Variants in MAGI2 observed in about 807,000 individuals in gnomAD.
MAGI2 encodes membrane associated guanylate kinase, WW and PDZ domain containing 2, also known as membrane-associated guanylate kinase, WW and PDZ domain-containing protein 2.
Under a neutral mutation model 133.3 loss-of-function variants are expected in MAGI2, and 35 were observed. The observed-to-expected ratio is 0.26, with a 90% CI of 0.20 to 0.35. The LOEUF is 0.35. Among genes scored for constraint, MAGI2 ranks in the 10% least tolerant of loss-of-function variants. The pLI is 1.00. For synonymous variants in MAGI2, 729 were observed against 710.6 expected (o/e 1.03, Z -0.41); for missense variants, 1,636 against 1,863.4 (o/e 0.88, Z 2.25).
chr7:78,992,670 G>A lies in MAGI2; in HGVS notation c.418+14420C>T, dbSNP rs368716807. Among the ~76,000 whole-genome samples, 420 of 151,912 alleles carry A rather than the reference G, an allele frequency of 2.8e-3. 1 individual carries two copies. The South Asian group carries it at 0.034, about 12-fold the overall frequency. On this transcript the variant is annotated intron_variant, in intron 2 of 21. Coordinates refer to ENST00000354212, the MANE Select transcript of MAGI2 (RefSeq NM_012301.4). ...GGTCAACATATAGGCTTAAATACAA[G>A]TTTTCCAACTTGCTTGTAGTCATAT...
chr7:79,301,929 C>T (rs1837426446), intron 1 of MAGI2, among the ~76,000 whole-genome samples: 1 of 152,148 alleles, frequency 6.6e-6, no homozygotes, highest in Admixed American at 6.5e-5. Context: ...CCCCAGCTTT[C>T]TCTCTCTTGC....
At position 78,379,296 on chromosome 7, in the gene MAGI2, C is replaced by G. The variant is rs560648684; in HGVS notation, c.1046-10083G>C. ...TTCTATCTGGCTTATAAAGAAAAAC[C>G]TGACTCCATCCTGTAAAGATGACAC... On this transcript the variant is annotated intron_variant, in intron 6 of 21. Coordinates refer to ENST00000354212, the MANE Select transcript of MAGI2 (RefSeq NM_012301.4). Among the ~76,000 whole-genome samples, 147 of 151,898 alleles carry G rather than the reference C, an allele frequency of 9.7e-4. 1 individual carries two copies. The highest frequency in any genetic ancestry group is 3.5e-3 in the African/African-American group (146 of 41,506).
chr7:79,269,225 C>T (rs976599911), intron 1 of MAGI2, among the ~76,000 whole-genome samples: 2 of 152,112 alleles, frequency 1.3e-5, no homozygotes, highest in Admixed American at 6.6e-5. Flanking sequence ...ACTTAGCAAA[C>T]CACATTTTAA....
chr7:79,438,005 T>C (rs762140656), intron 1 of MAGI2, among the ~76,000 whole-genome samples: 8 of 152,276 alleles, frequency 5.3e-5, no homozygotes, highest in Non-Finnish European at 8.8e-5. Flanking sequence ...TGTGCAGGCA[T>C]GTTAAATATA....
intron 4 of MAGI2, among the ~76,000 whole-genome samples, chr7:78,515,881 A>AAGAT (rs1383264346): frequency 6.6e-6 from 1 of 152,138 alleles, no homozygotes; most frequent in Non-Finnish European, 1.5e-5. Context: ...CCTGGGCAAC[A>AAGAT]AGAGTGAAAC....
intron 2 of MAGI2, among the ~76,000 whole-genome samples, chr7:78,764,744 T>A (rs546284587): frequency 6.6e-6 from 1 of 152,314 alleles, no homozygotes; most frequent in East Asian, 1.9e-4. Context: ...TTTTTATAAG[T>A]CTTAGCTCCA....
At chr7:78,320,726 C>T (rs915848088) in intron 9 of MAGI2, among the ~76,000 whole-genome samples, 5 of 152,024 alleles carry the variant, frequency 3.3e-5, no homozygotes, top group African/African-American at 1.2e-4. Context: ...ACAAGGATGC[C>T]CTCTCTCACC....
chr7:79,091,419 C>T (rs1332122230), intron 1 of MAGI2, among the ~76,000 whole-genome samples: 1 of 152,080 alleles, frequency 6.6e-6, no homozygotes, highest in African/African-American at 2.4e-5. Context: ...ACCATTGATG[C>T]ATATTATTTC....
intron 21 of MAGI2, among the ~76,000 whole-genome samples, chr7:78,064,376 A>G (rs187786243): frequency 6.6e-6 from 1 of 151,532 alleles, no homozygotes; most frequent in East Asian, 1.9e-4. Flanking sequence ...AAATTTATAT[A>G]AGCATAAAAC....
intron 1 of MAGI2, among the ~76,000 whole-genome samples, chr7:79,384,373 G>C (rs907807284): frequency 6.7e-6 from 1 of 150,340 alleles, no homozygotes; most frequent in African/African-American, 2.4e-5. Flanking sequence ...CCAGAAGAAA[G>C]TCTGTTCTGT....
chr7:78,514,467 C>G lies in MAGI2; in HGVS notation c.754+6963G>C, dbSNP rs140640381. On this transcript the variant is annotated intron_variant, in intron 4 of 21. Coordinates refer to ENST00000354212, the MANE Select transcript of MAGI2 (RefSeq NM_012301.4). ...AGATGGAATATCTAATTTTAGAAGGCTAATTTAAACTAGCCCCAGAAATTT... is the reference window on the plus strand; with the variant it reads ...AGATGGAATATCTAATTTTAGAAGGGTAATTTAAACTAGCCCCAGAAATTT... 4.0e-3 allele frequency among the ~76,000 whole-genome samples: 614 copies of G among 152,192 alleles called. 4 individuals are homozygous for G. The highest frequency in any genetic ancestry group is 0.024 in the Middle Eastern group (7 of 294).
chr7:78,313,169 A>G (rs1798863001), intron 9 of MAGI2, among the ~76,000 whole-genome samples: 1 of 152,048 alleles, frequency 6.6e-6, no homozygotes, highest in South Asian at 2.1e-4. Flanking sequence ...AGAAAGTGTA[A>G]TGGTAGATAA....
intron 1 of MAGI2, among the ~76,000 whole-genome samples, chr7:79,031,307 C>T (rs1236471335): frequency 1.3e-5 from 2 of 148,788 alleles, no homozygotes; most frequent in Admixed American, 1.3e-4. Context: ...TCATCATCCC[C>T]TACAATGCAA....
intron 2 of MAGI2, among the ~76,000 whole-genome samples, chr7:78,937,021 C>T (rs1302881962): frequency 6.6e-6 from 1 of 151,932 alleles, no homozygotes; most frequent in Non-Finnish European, 1.5e-5. Flanking sequence ...AAATACCACT[C>T]TCTAAGAAAA....
intron 1 of MAGI2, among the ~76,000 whole-genome samples, chr7:79,247,476 G>T (rs914568204): frequency 6.6e-6 from 1 of 151,986 alleles, no homozygotes; most frequent in Non-Finnish European, 1.5e-5. Context: ...CGCCATGCAT[G>T]GTGGCACGTA....
chr7:78,399,804 CA>C (rs3061269), intron 6 of MAGI2, among the ~76,000 whole-genome samples: 1,347 of 69,650 alleles, frequency 0.019, 1 homozygote, highest in African/African-American at 0.033. Context: ...GACTTTGTAT[CA>C]AAAAAAAAAA....
intron 9 of MAGI2, among the ~76,000 whole-genome samples, chr7:78,290,186 A>C (rs1796555187): frequency 6.6e-6 from 1 of 152,174 alleles, no homozygotes; most frequent in Non-Finnish European, 1.5e-5. Context: ...AGACCCATTA[A>C]TGTGCTGTAT....
chr7:78,439,052 C>G (rs750262854), intron 6 of MAGI2, among the ~76,000 whole-genome samples: 9 of 152,144 alleles, frequency 5.9e-5, no homozygotes, highest in Non-Finnish European at 8.8e-5. Context: ...GAAGCCCATA[C>G]TGCCCTCTGG....
intron 2 of MAGI2, among the ~76,000 whole-genome samples, chr7:78,823,565 A>T (rs367908974): frequency 7.1e-6 from 1 of 140,756 alleles, no homozygotes; most frequent in African/African-American, 2.7e-5. Flanking sequence ...CCTGGGTGAC[A>T]GCGAGACTCC....
Sources: gnomAD v4.1 joint callset for allele counts (sites outside exome capture counted in the v4.1 genomes callset) on GRCh38, gnomAD v4.1.1 for gene constraint, MANE v1.5 for transcripts, NCBI Gene and HGNC (gene_info 2026-07-23, HGNC 2026-07-21) for gene names.